The following DPF3 variants were observed in gnomAD, a reference collection of about 807,000 sequenced individuals.
DPF3 encodes double PHD fingers 3.
Under a neutral mutation model 56.8 loss-of-function variants are expected in DPF3, and 18 were observed. The observed-to-expected ratio is 0.32, with a 90% confidence interval of 0.22 to 0.47. The LOEUF is 0.47. Among genes scored for constraint, DPF3 ranks in the 20% least tolerant of loss-of-function variants. The pLI is 1.00. For synonymous variants in DPF3, 188 were observed against 180.2 expected, an observed-to-expected ratio of 1.04 and a Z score of -0.35; for missense variants, 403 against 488.8, an observed-to-expected ratio of 0.82 and a Z score of 1.65.
At chr14:72,838,732 G>C (rs1268577301) in intron 1 of DPF3, among the ~76,000 whole-genome samples, 1 of 141,114 alleles carries the variant, frequency 7.1e-6, no homozygotes, top group Non-Finnish European at 1.5e-5. Context: ...ACTTCATCCT[G>C]GATGACAGAA....
At chr14:72,640,979 C>T (rs768561497) in intron 8 of DPF3, among the ~76,000 whole-genome samples, 10 of 151,984 alleles carry the variant, frequency 6.6e-5, no homozygotes, top group Non-Finnish European at 1.5e-4. Flanking sequence ...TTAAAGAGCA[C>T]CAAGAAGAGA....
In DPF3 at chr14:72,611,868, C is replaced by T. The variant is rs1268222957; in HGVS notation, c.*7429G>A. 6.6e-6 allele frequency among the ~76,000 whole-genome samples: 1 copy of T among 152,106 alleles called. No individual in the cohort carries two copies. The highest frequency in any genetic ancestry group is 1.9e-4 in the East Asian group (1 of 5,172). ...TCTTCTACTGAGGAACACGCATCCT[C>T]AACAGAGAAACCTACATATACTTAC... On this transcript the variant is annotated 3_prime_UTR_variant, in exon 11 of 11. Coordinates refer to ENST00000556509, the MANE Select transcript of DPF3 (RefSeq NM_001280542.3).
rs148693200 is a variant in DPF3 at position 72,661,852 on chromosome 14, TGC to T, written c.871+12386_871+12387del. The stretch of plus-strand genomic sequence containing the variant: ...TCACCTCAGCTGATGCTTTTATTTT[TGC>T]TTTTTTTTTTTTTTTTTTTTTGCTG... On this transcript the variant is annotated intron_variant, in intron 8 of 10. Transcript: ENST00000556509. 85 of 958,080 alleles carry T rather than the reference TGC, an allele frequency of 8.9e-5. No individual in the cohort carries two copies. The African/African-American group carries it at 1.6e-3, about 18-fold the overall frequency. The allele number at this position is 958,080 out of a possible 1,614,324, so 59.3% of individuals were successfully genotyped here. A position where few individuals can be genotyped will look rare whatever the true frequency, so the allele number is the denominator to read the frequency against.
chr14:72,713,546 C>T (rs926528796), intron 6 of DPF3, among the ~76,000 whole-genome samples: 5 of 152,234 alleles, frequency 3.3e-5, no homozygotes, highest in African/African-American at 1.2e-4. Flanking sequence ...TCGCTGCAGC[C>T]TCTTCCCTCC....
chr14:72,826,009 C>T (rs1464342012), intron 1 of DPF3, among the ~76,000 whole-genome samples: 3 of 148,762 alleles, frequency 2.0e-5, no homozygotes, highest in Admixed American at 6.8e-5. Flanking sequence ...GGGGCAGGGG[C>T]GGGAAAGGAA....
At chr14:72,798,254 CAAAAAAAAAAA>C (rs35648169) in intron 1 of DPF3, among the ~76,000 whole-genome samples, 3 of 53,904 alleles carry the variant, frequency 5.6e-5, no homozygotes, top group Non-Finnish European at 7.1e-5. Flanking sequence ...GCCTTCATCT[CAAAAAAAAAAA>C]AAAAAAAAAA....
intron 6 of DPF3, among the ~76,000 whole-genome samples, chr14:72,707,889 C>T (rs1248276550): frequency 1.3e-5 from 2 of 151,848 alleles, no homozygotes; most frequent in African/African-American, 2.4e-5. Context: ...TCACTGCAAC[C>T]TCTGCTTTGC....
At chr14:72,892,008 CTCCCCA>C in intron 1 of DPF3, 1 of 1,117,878 alleles carries the variant, frequency 8.9e-7, no homozygotes, top group East Asian at 2.7e-5. Flanking sequence ...CACAGACTCC[CTCCCCA>C]AACACGCACC....
intron 2 of DPF3, among the ~76,000 whole-genome samples, chr14:72,756,928 A>AG (rs1555504031): frequency 4.4e-4 from 61 of 139,052 alleles, no homozygotes; most frequent in African/African-American, 1.2e-3. Flanking sequence ...GAAAGAAAGA[A>AG]AGAAGAGAAG....
intron 6 of DPF3, among the ~76,000 whole-genome samples, chr14:72,709,187 G>T (rs1888548574): frequency 6.6e-6 from 1 of 152,246 alleles, no homozygotes; most frequent in East Asian, 1.9e-4. Context: ...GGGTGAAGCG[G>T]CCACACAGCT....
chr14:72,750,718 G>A (rs1005237065), intron 3 of DPF3, among the ~76,000 whole-genome samples: 2 of 137,276 alleles, frequency 1.5e-5, no homozygotes, highest in Non-Finnish European at 3.1e-5. Context: ...TGGTTGTGCT[G>A]TGTAAAAAGA....
chr14:72,883,067 G>A (rs756473196), intron 1 of DPF3, among the ~76,000 whole-genome samples: 4 of 152,216 alleles, frequency 2.6e-5, no homozygotes, highest in South Asian at 2.1e-4. Context: ...GAGAGTTCTC[G>A]TTGTGCTCAA....
intron 1 of DPF3, among the ~76,000 whole-genome samples, chr14:72,837,665 G>A (rs1024310856): frequency 6.6e-6 from 1 of 152,146 alleles, no homozygotes; most frequent in Non-Finnish European, 1.5e-5. Context: ...TTGAACCTGG[G>A]AGGCAGAGGT....
intron 4 of DPF3, among the ~76,000 whole-genome samples, chr14:72,727,354 G>A (rs894817445): frequency 6.6e-6 from 1 of 152,170 alleles, no homozygotes; most frequent in Admixed American, 6.5e-5. Flanking sequence ...GAGGCAGGCG[G>A]ATCACGAGGT....
intron 9 of DPF3, among the ~76,000 whole-genome samples, chr14:72,627,386 A>G (rs1484171195): frequency 6.6e-6 from 1 of 152,118 alleles, no homozygotes; most frequent in East Asian, 1.9e-4. Flanking sequence ...CCATTGTCCC[A>G]GCACCATTCA....
chr14:72,824,604 A>T (rs1174272313), intron 1 of DPF3, among the ~76,000 whole-genome samples: 3 of 142,102 alleles, frequency 2.1e-5, no homozygotes, highest in Non-Finnish European at 3.0e-5. Context: ...GTCTCACTCT[A>T]TCGCCCAGGC....
chr14:72,811,197 T>C (rs1337212996), intron 1 of DPF3, among the ~76,000 whole-genome samples: 1 of 152,200 alleles, frequency 6.6e-6, no homozygotes, highest in Middle Eastern at 3.2e-3. Context: ...TCGTGAGAGA[T>C]CCACCCTCAT....
At chr14:72,674,710 G>A (rs890403780) in intron 7 of DPF3, among the ~76,000 whole-genome samples, 3 of 152,202 alleles carry the variant, frequency 2.0e-5, no homozygotes, top group South Asian at 4.1e-4. Flanking sequence ...CAGCCCTGTG[G>A]GCCCAGGCCC....
At chr14:72,666,284 A>T (rs1343267075) in intron 8 of DPF3, among the ~76,000 whole-genome samples, 2 of 152,254 alleles carry the variant, frequency 1.3e-5, no homozygotes, top group African/African-American at 4.8e-5. Flanking sequence ...GAGGACTTAG[A>T]CATTGCTACT....
Sources: gnomAD v4.1 joint callset for allele counts (sites outside exome capture counted in the v4.1 genomes callset) on GRCh38, gnomAD v4.1.1 for gene constraint, MANE v1.5 for transcripts, NCBI Gene and HGNC (gene_info 2026-07-23, HGNC 2026-07-21) for gene names.